Variants in CTNNA2 observed in about 807,000 individuals in gnomAD.
CTNNA2 encodes catenin alpha-2.
In CTNNA2, 42 loss-of-function variants were observed where a neutral mutation model predicts 101.0. The observed-to-expected ratio is 0.42, with a 90% CI of 0.32 to 0.54. The LOEUF is 0.54. Among genes scored for constraint, CTNNA2 ranks in the 20% least tolerant of loss-of-function variants. CTNNA2 has a pLI of 0.14. For missense variants in CTNNA2, 871 were observed against 1,223.1 expected (o/e 0.71, Z 4.29); for synonymous variants, 450 against 456.4 (o/e 0.99, Z 0.18).
intron 4 of CTNNA2, among the ~76,000 whole-genome samples, chr2:79,869,350 G>A (rs550414119): frequency 6.6e-6 from 1 of 152,228 alleles, no homozygotes; most frequent in Admixed American, 6.5e-5. Flanking sequence ...CTTTAGTCCC[G>A]GTGCTAGAGA....
chr2:80,230,813 C>G (rs1022932320), intron 7 of CTNNA2, among the ~76,000 whole-genome samples: 1 of 152,164 alleles, frequency 6.6e-6, no homozygotes, highest in Non-Finnish European at 1.5e-5. Context: ...CCAAAGCTTG[C>G]TCTACCTTTG....
chr2:80,545,691 G>A (rs774198879), intron 10 of CTNNA2, among the ~76,000 whole-genome samples: 6 of 152,116 alleles, frequency 3.9e-5, no homozygotes, highest in Non-Finnish European at 8.8e-5. Context: ...TTTGAAACCC[G>A]AGGCAAACTA....
At chr2:79,675,248 T>C (rs755311831) in intron 2 of CTNNA2, among the ~76,000 whole-genome samples, 13 of 152,194 alleles carry the variant, frequency 8.5e-5, no homozygotes, top group Non-Finnish European at 1.2e-4. Flanking sequence ...GCCATTGTAA[T>C]AATGGAGAGA....
intron 13 of CTNNA2, among the ~76,000 whole-genome samples, chr2:80,577,417 G>A (rs959355434): frequency 1.3e-5 from 2 of 152,086 alleles, no homozygotes; most frequent in African/African-American, 2.4e-5. Context: ...TGTTTCCGGC[G>A]GAGGAAATGT....
chr2:79,969,064 A>G (rs1242442396), intron 7 of CTNNA2, among the ~76,000 whole-genome samples: 1 of 152,164 alleles, frequency 6.6e-6, no homozygotes, highest in African/African-American at 2.4e-5. Flanking sequence ...CCATCTATTA[A>G]GAGACATCAT....
chr2:79,435,631 T>C (rs1678704704), intron 4 of CTNNA2, among the ~76,000 whole-genome samples: 1 of 152,206 alleles, frequency 6.6e-6, no homozygotes, highest in African/African-American at 2.4e-5. Flanking sequence ...AAAGCTGTCC[T>C]TTCCCCACAA....
intron 7 of CTNNA2, among the ~76,000 whole-genome samples, chr2:80,136,839 C>T (rs1053133891): frequency 6.6e-6 from 1 of 152,106 alleles, no homozygotes; most frequent in African/African-American, 2.4e-5. Flanking sequence ...GCTTTATTGC[C>T]TCTGCCCAAC....
chr2:79,291,427 C>T (rs732258), intron 2 of CTNNA2, among the ~76,000 whole-genome samples: 81,653 of 152,030 alleles, frequency 0.54, 24,129 homozygotes, highest in East Asian at 0.7. Context: ...TCTCCTTCCT[C>T]ACACCTGGGC....
chr2:80,601,802 A>G (rs1394465027), intron 15 of CTNNA2: 1 of 150,466 alleles, frequency 6.6e-6, no homozygotes, highest in African/African-American at 2.4e-5. Context: ...TTTTTTTCCA[A>G]CCTCTTCTTT....
chr2:79,614,072 G>A (rs886705027), intron 1 of CTNNA2, among the ~76,000 whole-genome samples: 5 of 152,244 alleles, frequency 3.3e-5, no homozygotes, highest in East Asian at 1.9e-4. Context: ...TTGGTGTGAC[G>A]TAGCTCTAGA....
At chr2:79,595,673 TCGCTA>T (rs375869443) in intron 1 of CTNNA2, among the ~76,000 whole-genome samples, 177 of 152,282 alleles carry the variant, frequency 1.2e-3, no homozygotes, top group African/African-American at 4.0e-3. Context: ...GTCTTAACTC[TCGCTA>T]CGCTACCTTA....
At chr2:79,563,759 A>G (rs1674937592) in intron 1 of CTNNA2, among the ~76,000 whole-genome samples, 1 of 152,204 alleles carries the variant, frequency 6.6e-6, no homozygotes, top group African/African-American at 2.4e-5. Flanking sequence ...GTTATGTGGA[A>G]CTTACCAAGT....
intron 4 of CTNNA2, among the ~76,000 whole-genome samples, chr2:79,466,768 G>A (rs548099413): frequency 6.6e-6 from 1 of 152,202 alleles, no homozygotes; most frequent in Non-Finnish European, 1.5e-5. Context: ...GGAGAAAAAG[G>A]TCTGGAGTGG....
chr2:80,229,400 T>G (rs1709066440), intron 7 of CTNNA2, among the ~76,000 whole-genome samples: 1 of 151,490 alleles, frequency 6.6e-6, no homozygotes. Context: ...TCTCCCCAGG[T>G]TTAATAATTG....
intron 2 of CTNNA2, among the ~76,000 whole-genome samples, chr2:79,285,926 A>G (rs1193734747): frequency 2.0e-5 from 3 of 147,290 alleles, no homozygotes; most frequent in Admixed American, 1.3e-4. Context: ...TGCATTATGA[A>G]TCTGGGTGCT....
At position 80,186,730 on chromosome 2, in the gene CTNNA2, A is replaced by C. The variant is rs538393662; in HGVS notation, c.1057-206481A>C. 1.3e-4 allele frequency among the ~76,000 whole-genome samples: 20 copies of C among 152,248 alleles called. No individual in the cohort carries two copies. In the Middle Eastern group the frequency reaches 0.014, roughly 104 times the overall value. Reference sequence around the variant, plus strand: ...AGCCCACTTCTTTATAGTTCTTATGAGTTAAATTAAATCAGGTTTTTTATT... The same window carrying C: ...AGCCCACTTCTTTATAGTTCTTATGCGTTAAATTAAATCAGGTTTTTTATT... On this transcript the variant is annotated intron_variant, in intron 7 of 18. Transcript: ENST00000402739.
chr2:80,162,341 A>T lies in CTNNA2; in HGVS notation c.1057-230870A>T, dbSNP rs531909889. On this transcript the variant is annotated intron_variant, in intron 7 of 18. Transcript: ENST00000402739. ...TTAAAAAAATGTATAAAGAAATGTGACAACTTGTAAAGCTGCTCTGTACAG... is the reference window on the plus strand; with the variant it reads ...TTAAAAAAATGTATAAAGAAATGTGTCAACTTGTAAAGCTGCTCTGTACAG... The T allele has an allele frequency of 1.8e-5, 19 of 1,078,726 alleles. No homozygotes were observed. The East Asian group carries it at 4.7e-4, about 27-fold the overall frequency. 66.8% of individuals were successfully genotyped at this position (1,078,726 alleles called of 1,614,324 possible). A position where few individuals can be genotyped will look rare whatever the true frequency, so the allele number is the denominator to read the frequency against.
chr2:79,445,925 A>C (rs956672269), intron 4 of CTNNA2, among the ~76,000 whole-genome samples: 4 of 152,148 alleles, frequency 2.6e-5, no homozygotes, highest in Admixed American at 1.3e-4. Context: ...TTCTTTTCAA[A>C]TAATTTTTTA....
chr2:79,845,882 T>C (rs543104534), intron 3 of CTNNA2, among the ~76,000 whole-genome samples: 1 of 152,194 alleles, frequency 6.6e-6, no homozygotes, highest in Non-Finnish European at 1.5e-5. Flanking sequence ...ATCCTCTTAA[T>C]ATAGGAAATA....
Sources: allele counts gnomAD v4.1 joint callset (sites outside exome capture counted in the v4.1 genomes callset), GRCh38; gene constraint gnomAD v4.1.1; transcripts MANE v1.5; gene names NCBI Gene and HGNC (gene_info 2026-07-23, HGNC 2026-07-21).